The following MAF variants were observed in gnomAD, a reference collection of about 807,000 sequenced individuals.
MAF encodes transcription factor Maf.
MAF carries 10 observed loss-of-function variants against 22.0 expected under a neutral mutation model. The ratio of observed to expected loss-of-function variants is 0.45; its 90% CI spans 0.28 to 0.77. The LOEUF is 0.77. Ranked by LOEUF, MAF falls within the 30% of genes least tolerant of loss-of-function variation. The probability of loss-of-function intolerance (pLI) is 0.12; values close to 1 mark genes in which losing one functional copy is unlikely to be tolerated. For synonymous variants in MAF, 337 were observed against 255.8 expected, an observed-to-expected ratio of 1.32 and a Z score of -3.03; for missense variants, 544 against 548.4, an observed-to-expected ratio of 0.99 and a Z score of 0.08.
chr16:79,206,063 T>C, the MAF span: 2 of 152,204 alleles, frequency 1.3e-5, no homozygotes, highest in Non-Finnish European at 2.9e-5. Flanking sequence ...AAGGGGGTGC[T>C]GAGTCTTCAT....
At chr16:79,425,471 C>G in the MAF span, among the ~76,000 whole-genome samples, 1 of 152,314 alleles carries the variant, frequency 6.6e-6, no homozygotes, top group Non-Finnish European at 1.5e-5. Flanking sequence ...CAGGAGGTTT[C>G]TCTCTGTCTT....
the MAF span, among the ~76,000 whole-genome samples, chr16:79,511,102 TG>T: frequency 0.84 from 127,425 of 152,114 alleles, 53,559 homozygotes; most frequent in East Asian, 0.92. Flanking sequence ...CCGCGCACAA[TG>T]GCGGGGTGGT....
chr16:79,212,367 G>A, the MAF span: 1 of 546,950 alleles, frequency 1.8e-6, no homozygotes, highest in Non-Finnish European at 3.1e-6. Context: ...AGAGGGAGTA[G>A]AATACGCAGA....
chr16:79,234,950 A>G, the MAF span, among the ~76,000 whole-genome samples: 1 of 152,220 alleles, frequency 6.6e-6, no homozygotes, highest in Admixed American at 6.5e-5. Flanking sequence ...ACCATGAGAG[A>G]AACATCCCCA....
chr16:79,346,262 T>G, the MAF span, among the ~76,000 whole-genome samples: 5 of 148,582 alleles, frequency 3.4e-5, no homozygotes, highest in African/African-American at 1.2e-4. Context: ...CCCACCTGAG[T>G]GAGAACATGC....
chr16:79,245,643 G>C, the MAF span, among the ~76,000 whole-genome samples: 1 of 152,082 alleles, frequency 6.6e-6, no homozygotes, highest in African/African-American at 2.4e-5. Context: ...GTGGAAGACA[G>C]TGTGGCAATT....
chr16:79,281,526 G>C, the MAF span, among the ~76,000 whole-genome samples: 77,233 of 149,162 alleles, frequency 0.52, 22,421 homozygotes, highest in Admixed American at 0.65. Flanking sequence ...AGCACCTTGA[G>C]AAAGCTCACT....
At chr16:79,314,839 G>A in the MAF span, among the ~76,000 whole-genome samples, 7 of 152,178 alleles carry the variant, frequency 4.6e-5, no homozygotes, top group African/African-American at 7.2e-5. Context: ...AGAGGGACAT[G>A]AGCCTCCCTG....
the MAF span, among the ~76,000 whole-genome samples, chr16:79,544,834 T>C: frequency 2.6e-5 from 4 of 152,058 alleles, no homozygotes. Context: ...ATTTTATGTA[T>C]TGATATGGCA....
chr16:79,516,039 C>CG, the MAF span: 13 of 146,972 alleles, frequency 8.8e-5, 1 homozygote, highest in African/African-American at 2.8e-4. Flanking sequence ...CAAGTGGCTC[C>CG]TATCCCATGA....
At chr16:79,227,165 A>G in the MAF span, among the ~76,000 whole-genome samples, 1 of 151,996 alleles carries the variant, frequency 6.6e-6, no homozygotes, top group African/African-American at 2.4e-5. Context: ...CCCCATCTCT[A>G]CAAAAGTCTG....
the MAF span, among the ~76,000 whole-genome samples, chr16:79,242,748 T>G: frequency 6.6e-6 from 1 of 152,018 alleles, no homozygotes. Context: ...CAACAAAATA[T>G]ACATTCTTTT....
chr16:79,583,145 A>T (rs1912627943), downstream of MAF, among the ~76,000 whole-genome samples: 1 of 152,216 alleles, frequency 6.6e-6, no homozygotes, highest in South Asian at 2.1e-4. Flanking sequence ...CCACATTTGC[A>T]TTTTATTTCT....
the MAF span, among the ~76,000 whole-genome samples, chr16:79,267,166 T>A: frequency 6.6e-6 from 1 of 152,194 alleles, no homozygotes; most frequent in Non-Finnish European, 1.5e-5. Flanking sequence ...TTGCTGAAGT[T>A]ACAGGTCACC....
the MAF span, among the ~76,000 whole-genome samples, chr16:79,494,107 G>A: frequency 3.3e-5 from 5 of 152,262 alleles, no homozygotes; most frequent in Admixed American, 2.6e-4. Context: ...GTTGAACACA[G>A]TTGTATTGGT....
chr16:79,493,040 C>A, the MAF span, among the ~76,000 whole-genome samples: 1 of 151,884 alleles, frequency 6.6e-6, no homozygotes, highest in East Asian at 1.9e-4. Context: ...CTCACTGCAA[C>A]CTCATCTCAA....
the MAF span, among the ~76,000 whole-genome samples, chr16:79,347,694 A>G: frequency 2.6e-5 from 4 of 152,146 alleles, no homozygotes; most frequent in South Asian, 8.3e-4. Context: ...GGCCATTATC[A>G]AGGTCCAGAG....
the MAF span, among the ~76,000 whole-genome samples, chr16:79,331,590 T>C: frequency 1.3e-5 from 2 of 152,186 alleles, no homozygotes; most frequent in African/African-American, 4.8e-5. Context: ...GCCTGGACCA[T>C]AGTCATACCT....
the MAF span, among the ~76,000 whole-genome samples, chr16:79,295,380 G>A: frequency 2.0e-5 from 3 of 152,226 alleles, no homozygotes; most frequent in Admixed American, 2.0e-4. Flanking sequence ...GATTTATGGA[G>A]CGAAAAGGGA....
Sources: allele counts gnomAD v4.1 joint callset (sites outside exome capture counted in the v4.1 genomes callset), GRCh38; gene constraint gnomAD v4.1.1; transcripts MANE v1.5; gene names NCBI Gene and HGNC (gene_info 2026-07-23, HGNC 2026-07-21).